The following PRKD1 variants were observed in gnomAD, a reference collection of about 807,000 sequenced individuals.
The protein encoded by PRKD1 is protein kinase D1, also known as serine/threonine-protein kinase D1.
PRKD1 carries 63 observed loss-of-function variants against 95.9 expected under a neutral mutation model. That is an observed-to-expected ratio of 0.66 (90% CI 0.54 to 0.81). The LOEUF (loss-of-function observed/expected upper bound fraction) is 0.81. Ranked by LOEUF, PRKD1 falls within the 30% of genes least tolerant of loss-of-function variation. PRKD1 has a pLI of 0.00. For missense variants in PRKD1, 1,048 were observed against 1,165.3 expected, an observed-to-expected ratio of 0.90 and a Z score of 1.47; for synonymous variants, 425 against 423.1, an observed-to-expected ratio of 1.00 and a Z score of -0.05.
chr14:29,772,666 A>T (rs547791619), intron 1 of PRKD1, among the ~76,000 whole-genome samples: 1 of 152,142 alleles, frequency 6.6e-6, no homozygotes, highest in South Asian at 2.1e-4. Context: ...AGCTCTGCCT[A>T]ACATAAAATG....
intron 1 of PRKD1, among the ~76,000 whole-genome samples, chr14:29,761,237 T>C (rs986098668): frequency 1.3e-5 from 2 of 152,222 alleles, no homozygotes; most frequent in Non-Finnish European, 2.9e-5. Flanking sequence ...ATTTTGAACA[T>C]TAGCTTGAAC....
chr14:29,884,570 T>C (rs113743852), intron 1 of PRKD1, among the ~76,000 whole-genome samples: 102 of 152,314 alleles, frequency 6.7e-4, no homozygotes, highest in African/African-American at 2.4e-3. Context: ...ATAAAACTAT[T>C]CAGTCATTCA....
At chr14:29,865,356 G>A (rs1159842048) in intron 1 of PRKD1, among the ~76,000 whole-genome samples, 1 of 152,128 alleles carries the variant, frequency 6.6e-6, no homozygotes, top group Non-Finnish European at 1.5e-5. Context: ...AGTTTGCTGT[G>A]GTTCCAACGT....
intron 4 of PRKD1, among the ~76,000 whole-genome samples, chr14:29,644,081 T>C (rs1289504832): frequency 6.6e-6 from 1 of 152,194 alleles, no homozygotes. Context: ...AAGTGTATGT[T>C]TTCAAGAAGT....
intron 1 of PRKD1, among the ~76,000 whole-genome samples, chr14:29,740,534 C>T (rs1442752158): frequency 3.3e-5 from 5 of 152,150 alleles, no homozygotes; most frequent in African/African-American, 1.2e-4. Flanking sequence ...CCTCTCAGTT[C>T]TGCTTCTCTT....
intron 2 of PRKD1, among the ~76,000 whole-genome samples, chr14:29,675,611 C>T (rs999402631): frequency 6.6e-6 from 1 of 152,146 alleles, no homozygotes; most frequent in African/African-American, 2.4e-5. Flanking sequence ...CCATTTGACC[C>T]AGCCATCCCA....
chr14:29,884,544 T>C (rs939581889), intron 1 of PRKD1, among the ~76,000 whole-genome samples: 41 of 152,310 alleles, frequency 2.7e-4, no homozygotes, highest in African/African-American at 8.2e-4. Context: ...GTAAGAACTT[T>C]ACATATAAAA....
At position 29,649,818 on chromosome 14, in the gene PRKD1, TTTTCCTCCCA is replaced by T. The variant is rs1881374358; in HGVS notation, c.697-10924_697-10915del. ...ATTCCAATGGAGTGGGTTTTGACGA[TTTTCCTCCCA>T]TTTCCTCCCAGTAACGACACAGCAC... On this transcript the variant is annotated intron_variant, in intron 4 of 17. Coordinates refer to ENST00000331968, the MANE Select transcript of PRKD1 (RefSeq NM_002742.3). Among the ~76,000 whole-genome samples the T allele has an allele frequency of 1.3e-5, 2 of 152,160 alleles. 1 individual carries two copies. Among genetic ancestry groups the T allele is most frequent in the South Asian group, 4.1e-4 (2 of 4,830 alleles).
At chr14:29,681,280 A>C (rs1883525543) in intron 2 of PRKD1, among the ~76,000 whole-genome samples, 1 of 152,192 alleles carries the variant, frequency 6.6e-6, no homozygotes, top group Non-Finnish European at 1.5e-5. Flanking sequence ...TTCCTGGTGC[A>C]AATAAAACAA....
intron 4 of PRKD1, among the ~76,000 whole-genome samples, chr14:29,659,459 G>A (rs1461350825): frequency 1.3e-5 from 2 of 152,062 alleles, no homozygotes; most frequent in East Asian, 1.9e-4. Flanking sequence ...GCATGACTCT[G>A]TATATTCCTA....
chr14:29,761,782 T>C (rs199517666), intron 1 of PRKD1, among the ~76,000 whole-genome samples: 18 of 95,090 alleles, frequency 1.9e-4, no homozygotes, highest in South Asian at 7.3e-4. Flanking sequence ...TGTTCTTTCT[T>C]TTTTTTTTTT....
At chr14:29,615,675 C>G (rs2139062656) in intron 13 of PRKD1, among the ~76,000 whole-genome samples, 1 of 152,312 alleles carries the variant, frequency 6.6e-6, no homozygotes, top group South Asian at 2.1e-4. Context: ...TTGTATCTGA[C>G]TGCCCAAATA....
intron 2 of PRKD1, among the ~76,000 whole-genome samples, chr14:29,687,321 G>A (rs866952453): frequency 2.2e-4 from 34 of 152,242 alleles, no homozygotes; most frequent in African/African-American, 7.5e-4. Flanking sequence ...GCTGAAACCA[G>A]GAATCTTCAG....
intron 1 of PRKD1, among the ~76,000 whole-genome samples, chr14:29,828,583 G>A (rs1891286277): frequency 6.6e-6 from 1 of 151,992 alleles, no homozygotes; most frequent in Non-Finnish European, 1.5e-5. Flanking sequence ...ATCTTTAGAG[G>A]AAAAAGAGAT....
chr14:29,810,612 A>C (rs1243039995), intron 1 of PRKD1, among the ~76,000 whole-genome samples: 1 of 152,250 alleles, frequency 6.6e-6, no homozygotes, highest in Non-Finnish European at 1.5e-5. Flanking sequence ...ATTTCAATAG[A>C]TATGTATACA....
chr14:29,925,165 G>A (rs45621134), intron 1 of PRKD1, among the ~76,000 whole-genome samples: 160 of 152,152 alleles, frequency 1.1e-3, no homozygotes, highest in African/African-American at 3.7e-3. Context: ...CAAAAGGAAA[G>A]GATTCCCCTT....
At chr14:29,591,854 C>T (rs1055050123) in intron 16 of PRKD1, among the ~76,000 whole-genome samples, 1 of 152,068 alleles carries the variant, frequency 6.6e-6, no homozygotes, top group Non-Finnish European at 1.5e-5. Context: ...TGACATACCA[C>T]ACACTGGAAA....
intron 1 of PRKD1, among the ~76,000 whole-genome samples, chr14:29,925,017 C>T (rs1355090988): frequency 6.6e-6 from 1 of 151,950 alleles, no homozygotes; most frequent in Non-Finnish European, 1.5e-5. Flanking sequence ...ATATAAATAA[C>T]CCTCAAGTTC....
intron 16 of PRKD1, among the ~76,000 whole-genome samples, chr14:29,595,149 G>T (rs1341494866): frequency 1.3e-5 from 2 of 152,082 alleles, no homozygotes; most frequent in African/African-American, 4.8e-5. Context: ...TCATCTGAGT[G>T]GTAGGAAATT....
Sources: gnomAD v4.1 joint callset for allele counts (sites outside exome capture counted in the v4.1 genomes callset) on GRCh38, gnomAD v4.1.1 for gene constraint, MANE v1.5 for transcripts, NCBI Gene and HGNC (gene_info 2026-07-23, HGNC 2026-07-21) for gene names.